Variants in NGEF observed in about 807,000 individuals in gnomAD.
NGEF encodes ephexin-1.
In NGEF, 31 loss-of-function variants were observed where a neutral mutation model predicts 80.9. The ratio of observed to expected loss-of-function variants is 0.38; its 90% confidence interval spans 0.29 to 0.52. NGEF has a LOEUF of 0.52. Among genes scored for constraint, NGEF ranks in the 20% least tolerant of loss-of-function variants. The probability of loss-of-function intolerance (pLI) is 0.84; values close to 1 mark genes in which losing one functional copy is unlikely to be tolerated. For synonymous variants in NGEF, 371 were observed against 370.2 expected (o/e 1.00, Z -0.03); for missense variants, 709 against 926.2 (o/e 0.77, Z 3.04).
At chr2:232,989,372 C>T (rs1336488597) in intron 1 of NGEF, among the ~76,000 whole-genome samples, 2 of 152,236 alleles carry the variant, frequency 1.3e-5, no homozygotes, top group East Asian at 1.9e-4. Context: ...TGCTTGAACC[C>T]GGGAGGCAGA....
chr2:232,894,646 C>T lies in NGEF; in HGVS notation c.989+110G>A, dbSNP rs988664422. On this transcript the variant is annotated intron_variant, in intron 6 of 14. Coordinates refer to ENST00000264051, the MANE Select transcript of NGEF (RefSeq NM_019850.3). Reference sequence around the variant, plus strand: ...ATATTTTATTATGGAACATTCCAAACATCTGGAAGTAGAGAAGCCAGTATC... The same window carrying T: ...ATATTTTATTATGGAACATTCCAAATATCTGGAAGTAGAGAAGCCAGTATC... The T allele has an allele frequency of 6.6e-6, 7 of 1,058,398 alleles. No individual in the cohort carries two copies. In the African/African-American group the frequency reaches 7.8e-5, roughly 12 times the overall value. 65.6% of individuals were successfully genotyped at this position (1,058,398 alleles called of 1,614,324 possible).
rs1295235699 is a variant in NGEF at position 233,004,876 on chromosome 2, G to T, written c.-75+8192C>A. 2.6e-5 allele frequency among the ~76,000 whole-genome samples: 4 copies of T among 152,098 alleles called. No individual in the cohort carries two copies. In the South Asian group the frequency reaches 6.2e-4, roughly 24 times the overall value. The stretch of plus-strand genomic sequence containing the variant: ...TTAATGGATAGAATGTACAAAATTT[G>T]GGTGATGGTTACACCAAAAGCCCAG... On this transcript the variant is annotated intron_variant, in intron 1 of 14. Coordinates refer to ENST00000264051, the MANE Select transcript of NGEF (RefSeq NM_019850.3).
At chr2:232,935,016 A>T (rs1222631144) in intron 3 of NGEF, among the ~76,000 whole-genome samples, 1 of 152,110 alleles carries the variant, frequency 6.6e-6, no homozygotes, top group Non-Finnish European at 1.5e-5. Flanking sequence ...TCAAAAAAAA[A>T]AAATAATAAT....
rs200174384 is a variant in NGEF at position 232,957,324 on chromosome 2, A to C, written c.383+12890T>G. ...GTTATTATTATTATTACTACTACTA[A>C]TAATTATTATTATTTTGAGATGGAG... is the stretch of plus-strand genomic sequence containing the variant. On this transcript the variant is annotated intron_variant, in intron 3 of 14. Transcript: ENST00000264051. Among the ~76,000 whole-genome samples, 44 of 152,130 alleles carry C rather than the reference A, an allele frequency of 2.9e-4. 1 individual carries two copies. The highest frequency in any genetic ancestry group is 6.2e-4 in the South Asian group (3 of 4,812).
At chr2:232,982,968 C>T (rs1033451397) in intron 1 of NGEF, among the ~76,000 whole-genome samples, 4 of 152,144 alleles carry the variant, frequency 2.6e-5, no homozygotes, top group East Asian at 3.9e-4. Context: ...GCTCTGTGTC[C>T]GAGGAAGACC....
At chr2:232,949,816 G>C (rs1693642788) in intron 3 of NGEF, among the ~76,000 whole-genome samples, 1 of 141,294 alleles carries the variant, frequency 7.1e-6, no homozygotes, top group Admixed American at 7.1e-5. Context: ...ATAAATTTTT[G>C]GTTTTTTTTT....
chr2:232,899,865 G>T (rs1407876975), intron 5 of NGEF, among the ~76,000 whole-genome samples: 1 of 100,164 alleles, frequency 1.0e-5, no homozygotes, highest in African/African-American at 3.8e-5. Context: ...CGCTCTCACA[G>T]TCACTCATAT....
chr2:232,898,330 C>T (rs1425840678), intron 5 of NGEF, among the ~76,000 whole-genome samples: 1 of 152,196 alleles, frequency 6.6e-6, no homozygotes, highest in Non-Finnish European at 1.5e-5. Context: ...CTGGATCACC[C>T]GGATCTTCTG....
At chr2:232,948,147 ATGTGTGTG>A (rs375640068) in intron 3 of NGEF, among the ~76,000 whole-genome samples, 12 of 141,654 alleles carry the variant, frequency 8.5e-5, no homozygotes, top group African/African-American at 2.1e-4. Context: ...TAGCCTGGAG[ATGTGTGTG>A]TGTGTGTGTG....
intron 3 of NGEF, among the ~76,000 whole-genome samples, chr2:232,942,619 G>A (rs1188492310): frequency 1.3e-5 from 2 of 152,186 alleles, no homozygotes; most frequent in Middle Eastern, 3.2e-3. Context: ...ACTCACGCCT[G>A]TAATCCCAAC....
chr2:232,905,931 C>CGGGA (rs1320818795), intron 5 of NGEF: 594 of 125,852 alleles, frequency 4.7e-3, no homozygotes, highest in East Asian at 7.9e-3. Flanking sequence ...CCGCCCCGTC[C>CGGGA]GGGAGGTGAG....
intron 5 of NGEF, among the ~76,000 whole-genome samples, chr2:232,907,173 AG>A (rs1219462438): frequency 2.9e-4 from 32 of 112,160 alleles, no homozygotes; most frequent in African/African-American, 8.6e-4. Context: ...AAAAAAAAAA[AG>A]AAAAGAAAAA....
At chr2:232,901,510 C>T in intron 5 of NGEF, 1 of 900,190 alleles carries the variant, frequency 1.1e-6, no homozygotes, top group Non-Finnish European at 1.3e-6. Context: ...TGCGTTGTTG[C>T]AGCTGCGTCA....
chr2:233,005,762 C>A (rs532057459), intron 1 of NGEF, among the ~76,000 whole-genome samples: 3 of 152,140 alleles, frequency 2.0e-5, no homozygotes, highest in Admixed American at 2.0e-4. Context: ...CCAGTGAGAG[C>A]CATGTTGGGC....
intron 5 of NGEF, among the ~76,000 whole-genome samples, chr2:232,915,921 C>A (rs1280428175): frequency 1.3e-5 from 2 of 152,160 alleles, no homozygotes; most frequent in Non-Finnish European, 2.9e-5. Context: ...GAACTCCCGA[C>A]CTCAGGTGAT....
chr2:232,938,851 C>T (rs775364446), intron 3 of NGEF, among the ~76,000 whole-genome samples: 1 of 150,436 alleles, frequency 6.6e-6, no homozygotes, highest in Non-Finnish European at 1.5e-5. Context: ...ATTTAGATGT[C>T]AGGTTATGGC....
At chr2:232,966,269 C>A (rs1415699157) in intron 3 of NGEF, among the ~76,000 whole-genome samples, 1 of 152,148 alleles carries the variant, frequency 6.6e-6, no homozygotes, top group African/African-American at 2.4e-5. Context: ...TTGGCATGTG[C>A]AAAGCTCTTA....
At chr2:232,959,599 G>C (rs1265565748) in intron 3 of NGEF, among the ~76,000 whole-genome samples, 2 of 113,228 alleles carry the variant, frequency 1.8e-5, no homozygotes, top group Non-Finnish European at 3.9e-5. Context: ...TTTTTTTTAA[G>C]ACAGAGCTTC....
chr2:232,897,187 T>C (rs1381708398), intron 5 of NGEF, among the ~76,000 whole-genome samples: 2 of 151,476 alleles, frequency 1.3e-5, no homozygotes, highest in Non-Finnish European at 2.9e-5. Context: ...CCTGCCTCAC[T>C]CCTTTTAGGG....
Sources: allele counts gnomAD v4.1 joint callset (sites outside exome capture counted in the v4.1 genomes callset), GRCh38; gene constraint gnomAD v4.1.1; transcripts MANE v1.5; gene names NCBI Gene and HGNC (gene_info 2026-07-23, HGNC 2026-07-21).